The following ITPR1 variants were observed in gnomAD, a reference collection of about 807,000 sequenced individuals.
ITPR1 encodes inositol 1,4,5-trisphosphate receptor type 1.
A neutral mutation model predicts 318.4 loss-of-function variants in ITPR1; 96 were observed. That is an observed-to-expected ratio of 0.30 (90% CI 0.26 to 0.36). The LOEUF (loss-of-function observed/expected upper bound fraction) is 0.36, where lower values mean the gene tolerates loss of function less well. Ranked by LOEUF, ITPR1 falls within the 10% of genes least tolerant of loss-of-function variation. The pLI is 1.00. For missense variants in ITPR1, 2,440 were observed against 3,460.2 expected, an observed-to-expected ratio of 0.71 and a Z score of 7.40; for synonymous variants, 1,312 against 1,289.9, an observed-to-expected ratio of 1.02 and a Z score of -0.37.
Position 4,590,255 on chromosome 3 carries a change from C to T in ITPR1, c.164-37508C>T, listed in dbSNP as rs543692361. Among the ~76,000 whole-genome samples, 3 of 135,990 alleles carry T rather than the reference C, an allele frequency of 2.2e-5. No individual in the cohort carries two copies. In the Admixed American group the frequency reaches 2.5e-4, roughly 11 times the overall value. The allele number at this position is 135,990 out of a possible 152,430, so 89.2% of individuals were successfully genotyped here. On this transcript the variant is annotated intron_variant, in intron 4 of 61. Transcript: ENST00000649015. ...GTCGTGTTACTTCCTTACTTATTTGCTCTTTATCTTTCTCTGTAGAATTTA... is the reference window on the plus strand; with the variant it reads ...GTCGTGTTACTTCCTTACTTATTTGTTCTTTATCTTTCTCTGTAGAATTTA...
intron 55 of ITPR1, among the ~76,000 whole-genome samples, chr3:4,808,236 G>A (rs376225063): frequency 6.6e-6 from 1 of 152,186 alleles, no homozygotes. Context: ...GAGGTAGATG[G>A]TATCTTCCAA....
chr3:4,548,481 G>A (rs1380643958), intron 4 of ITPR1, among the ~76,000 whole-genome samples: 1 of 152,158 alleles, frequency 6.6e-6, no homozygotes, highest in Non-Finnish European at 1.5e-5. Flanking sequence ...TTTAGCAACT[G>A]TTTAATTTCT....
intron 4 of ITPR1, among the ~76,000 whole-genome samples, chr3:4,627,435 G>A (rs571979592): frequency 6.6e-6 from 1 of 152,154 alleles, no homozygotes; most frequent in Non-Finnish European, 1.5e-5. Context: ...CTGCACTCCA[G>A]TCTGGGTGAC....
intron 44 of ITPR1, among the ~76,000 whole-genome samples, chr3:4,759,822 T>G (rs1349548658): frequency 6.6e-6 from 1 of 152,196 alleles, no homozygotes; most frequent in Non-Finnish European, 1.5e-5. Context: ...CTCTTGCTCT[T>G]TTGTTGTGGT....
At chr3:4,726,268 G>T (rs1011806942) in intron 41 of ITPR1, among the ~76,000 whole-genome samples, 1 of 151,408 alleles carries the variant, frequency 6.6e-6, no homozygotes, top group African/African-American at 2.4e-5. Flanking sequence ...GACCTCAGGT[G>T]ATCCACCCGC....
intron 4 of ITPR1, among the ~76,000 whole-genome samples, chr3:4,535,561 GC>G (rs1278333031): frequency 1.0e-4 from 15 of 146,472 alleles, no homozygotes; most frequent in Non-Finnish European, 2.2e-4. Flanking sequence ...TCCTGCCTCA[GC>G]CTCCCGAGTA....
chr3:4,613,688 T>A (rs951226571), intron 4 of ITPR1, among the ~76,000 whole-genome samples: 2 of 152,174 alleles, frequency 1.3e-5, no homozygotes, highest in Admixed American at 6.5e-5. Context: ...AAATTGGACA[T>A]TGTTATCTTT....
At chr3:4,566,701 G>A (rs1481355558) in intron 4 of ITPR1, among the ~76,000 whole-genome samples, 1 of 151,308 alleles carries the variant, frequency 6.6e-6, no homozygotes, top group African/African-American at 2.4e-5. Flanking sequence ...TGAATGCAAT[G>A]CAGATTCTTT....
chr3:4,638,625 T>C (rs1424945518), intron 5 of ITPR1, among the ~76,000 whole-genome samples: 1 of 152,202 alleles, frequency 6.6e-6, no homozygotes, highest in Non-Finnish European at 1.5e-5. Context: ...AAAAACATTA[T>C]TAAGCGAAGA....
chr3:4,519,452 C>T (rs912450036), intron 3 of ITPR1, among the ~76,000 whole-genome samples: 2 of 152,152 alleles, frequency 1.3e-5, no homozygotes, highest in Non-Finnish European at 2.9e-5. Flanking sequence ...GTCTCAATCT[C>T]TTGACCTCGT....
intron 2 of ITPR1, among the ~76,000 whole-genome samples, chr3:4,501,818 CT>C (rs1300557670): frequency 6.6e-6 from 1 of 152,232 alleles, no homozygotes; most frequent in Admixed American, 6.5e-5. Flanking sequence ...TGTACCCCTA[CT>C]TAGAGTTGTG....
At chr3:4,733,342 T>G in intron 43 of ITPR1, 122 bp downstream of exon 43, 1 of 1,178,000 alleles carries the variant, frequency 8.5e-7, no homozygotes, top group Non-Finnish European at 1.2e-6. Flanking sequence ...GGTGTATTTT[T>G]TAGCAACTTG....
chr3:4,751,644 C>A (rs553140457), intron 44 of ITPR1: 5 of 152,228 alleles, frequency 3.3e-5, no homozygotes, highest in African/African-American at 9.6e-5. Flanking sequence ...AGCTGACTTC[C>A]CTTTATTAAC....
intron 16 of ITPR1, 80 bp downstream of exon 16, chr3:4,663,286 C>T (rs943009370): frequency 7.3e-7 from 1 of 1,374,702 alleles, no homozygotes; most frequent in African/African-American, 1.5e-5. Context: ...CCTGTAGTCC[C>T]AGCACTTTGG....
At position 4,683,419 on chromosome 3, in the gene ITPR1, C is replaced by T. The variant is rs745351516; in HGVS notation, c.3195C>T (p.His1065=). 147 of 1,614,044 alleles carry T rather than the reference C, an allele frequency of 9.1e-5. No homozygotes were observed. Among genetic ancestry groups the T allele is most frequent in the South Asian group, 9.9e-5 (9 of 91,084 alleles). ...EENTPLDLDD[H]GGRTFLRVLL... ...ACACCCCACTGGACTTGGATGACCA[C>T]GGCGGCAGAACCTTTCTCCGTGTCC... The change falls in exon 27 of 62, where the codon CAC becomes CAT. Residue 1065 remains histidine, a synonymous_variant. Transcript: ENST00000649015.
Position 4,758,252 on chromosome 3 carries a change from T to G in ITPR1, c.5545-8278T>G, listed in dbSNP as rs1013836832. ...GCCCAGAGCGAGGGCTTCTGAAAGG[T>G]GGACCAACTTTTAGAAGCTGATGGA... On this transcript the variant is annotated intron_variant, in intron 44 of 61. Coordinates refer to ENST00000649015, the MANE Select transcript of ITPR1 (RefSeq NM_001378452.1). Among the ~76,000 whole-genome samples the G allele has an allele frequency of 2.6e-5, 4 of 152,150 alleles. 1 individual carries two copies.
intron 4 of ITPR1, among the ~76,000 whole-genome samples, chr3:4,609,807 G>A (rs2091966679): frequency 6.6e-6 from 1 of 152,230 alleles, no homozygotes; most frequent in Non-Finnish European, 1.5e-5. Context: ...TAGAGGAATA[G>A]AACAGGACAG....
intron 4 of ITPR1, among the ~76,000 whole-genome samples, chr3:4,542,646 T>G (rs2084568396): frequency 6.9e-6 from 1 of 144,964 alleles, no homozygotes; most frequent in South Asian, 2.4e-4. Context: ...GGTTTGTTGT[T>G]CACCATTGCA....
At chr3:4,696,185 A>C (rs543214837) in intron 33 of ITPR1, among the ~76,000 whole-genome samples, 1 of 152,316 alleles carries the variant, frequency 6.6e-6, no homozygotes, top group South Asian at 2.1e-4. Flanking sequence ...ATATTTGCAG[A>C]GTTGTGCAAT....
Sources: gnomAD v4.1 joint callset for allele counts (sites outside exome capture counted in the v4.1 genomes callset) on GRCh38, gnomAD v4.1.1 for gene constraint, MANE v1.5 for transcripts, NCBI Gene and HGNC (gene_info 2026-07-23, HGNC 2026-07-21) for gene names.